PPM1E: variants seen among roughly 807,000 people sequenced by gnomAD.
PPM1E encodes the protein protein phosphatase, Mg2+/Mn2+ dependent 1E, also known as protein phosphatase 1E.
A neutral mutation model predicts 65.9 loss-of-function variants in PPM1E; 20 were observed. That is an observed-to-expected ratio of 0.30 (90% CI 0.21 to 0.44). PPM1E has a LOEUF of 0.44. PPM1E is among the 20% of genes least tolerant of loss of function. The pLI, the probability that PPM1E is intolerant of heterozygous loss-of-function variation, is 1.00. For missense variants in PPM1E, 713 were observed against 953.1 expected (o/e 0.75, Z 3.32); for synonymous variants, 352 against 374.9 (o/e 0.94, Z 0.70).
chr17:58,910,077 A>T (rs2051608904), intron 1 of PPM1E, among the ~76,000 whole-genome samples: 1 of 150,968 alleles, frequency 6.6e-6, no homozygotes, highest in Non-Finnish European at 1.5e-5. Context: ...TAATTTTTGT[A>T]TTTTTGGTAG....
At chr17:58,952,542 TG>T (rs1444171696) in intron 1 of PPM1E, among the ~76,000 whole-genome samples, 1 of 152,066 alleles carries the variant, frequency 6.6e-6, no homozygotes, top group Non-Finnish European at 1.5e-5. Context: ...TGTTACTGCT[TG>T]GGGGTGTGCC....
intron 2 of PPM1E, among the ~76,000 whole-genome samples, chr17:58,963,556 A>T (rs1455772220): frequency 6.6e-6 from 1 of 151,482 alleles, no homozygotes; most frequent in African/African-American, 2.4e-5. Flanking sequence ...GTGAGAAAAA[A>T]AAATTAGCTG....
At chr17:58,848,941 C>T (rs929391547) in intron 1 of PPM1E, among the ~76,000 whole-genome samples, 1 of 152,156 alleles carries the variant, frequency 6.6e-6, no homozygotes, top group Non-Finnish European at 1.5e-5. Flanking sequence ...ATTATTGCCT[C>T]AATTTCAGAA....
chr17:58,836,972 A>AT (rs1323162683), intron 1 of PPM1E, among the ~76,000 whole-genome samples: 2 of 144,760 alleles, frequency 1.4e-5, no homozygotes, highest in African/African-American at 5.1e-5. Context: ...GTGAGCCGAG[A>AT]TCCCGCCACT....
rs564976917 is a variant in PPM1E, at chr17:58,894,868, A to C, written c.465-60781A>C. On this transcript the variant is annotated intron_variant, in intron 1 of 6. Transcript: ENST00000308249. ...AGATCATTCATTTCAACTGTTCTGG[A>C]GTAAAACATTGTTTGATAATACAGA... is the stretch of plus-strand genomic sequence containing the variant. Among the ~76,000 whole-genome samples the C allele has an allele frequency of 3.9e-5, 6 of 152,256 alleles. No individual in the cohort carries two copies. The South Asian group carries it at 1.2e-3, about 32-fold the overall frequency.
At chr17:58,850,354 G>A (rs2050814047) in intron 1 of PPM1E, among the ~76,000 whole-genome samples, 1 of 152,192 alleles carries the variant, frequency 6.6e-6, no homozygotes, top group Non-Finnish European at 1.5e-5. Context: ...GTTAGTTGAT[G>A]CAGTTTCTTC....
chr17:58,937,299 T>C (rs185419219), intron 1 of PPM1E, among the ~76,000 whole-genome samples: 6,414 of 145,150 alleles, frequency 0.044, 309 homozygotes, highest in African/African-American at 0.12. Flanking sequence ...AGTCTCACTC[T>C]GTTGCCCAGG....
intron 1 of PPM1E, among the ~76,000 whole-genome samples, chr17:58,889,891 A>G (rs1332877933): frequency 6.6e-6 from 1 of 152,232 alleles, no homozygotes; most frequent in Non-Finnish European, 1.5e-5. Context: ...AGTATAGTTG[A>G]TTATTCATTA....
Position 58,812,303 on chromosome 17 carries a change from C to CAAA in PPM1E, c.464+55866_464+55868dup, listed in dbSNP as rs35132799. ...TGGGCGACAGAGCAAGACTCTGTTT[C>CAAA]AAAAAAAAAAAAAAAAAAAAAAAAA... is the stretch of plus-strand genomic sequence containing the variant. On this transcript the variant is annotated intron_variant, in intron 1 of 6. Transcript: ENST00000308249. Among the ~76,000 whole-genome samples the CAAA allele has an allele frequency of 3.1e-3, 152 of 49,766 alleles. 9 individuals are homozygous for CAAA. Among genetic ancestry groups the CAAA allele is most frequent in the Non-Finnish European group, 4.5e-3 (124 of 27,256 alleles). The allele number at this position is 49,766 out of a possible 152,430, so 32.6% of individuals were successfully genotyped here.
At chr17:58,848,984 TTCC>T (rs2050798286) in intron 1 of PPM1E, among the ~76,000 whole-genome samples, 1 of 152,236 alleles carries the variant, frequency 6.6e-6, no homozygotes, top group African/African-American at 2.4e-5. Flanking sequence ...ATTCAACTTC[TTCC>T]TGGTTTAGTC....
At chr17:58,968,027 C>T (rs1213170962) in intron 3 of PPM1E, among the ~76,000 whole-genome samples, 1 of 152,094 alleles carries the variant, frequency 6.6e-6, no homozygotes, top group African/African-American at 2.4e-5. Context: ...TGGTCTTGAT[C>T]TCTTGACCTT....
chr17:58,872,654 A>G (rs1295822240), intron 1 of PPM1E, among the ~76,000 whole-genome samples: 1 of 152,210 alleles, frequency 6.6e-6, no homozygotes, highest in Admixed American at 6.5e-5. Flanking sequence ...CTTCATGTAT[A>G]GTCTGGTCAT....
Position 58,758,650 on chromosome 17 carries a change from G to A in PPM1E, c.464+2189G>A, listed in dbSNP as rs77284040. On this transcript the variant is annotated intron_variant, in intron 1 of 6. Coordinates refer to ENST00000308249, the MANE Select transcript of PPM1E (RefSeq NM_014906.5). ...AAATAAAACTAGCAAAATTAAAGTT[G>A]GAAAATATTTCCGCTTAAATCAGAG... Among the ~76,000 whole-genome samples the A allele has an allele frequency of 3.7e-3, 564 of 152,148 alleles. 23 individuals carry two copies. The East Asian group carries it at 0.098, about 26-fold the overall frequency.
chr17:58,891,432 C>G (rs2143431779), intron 1 of PPM1E, among the ~76,000 whole-genome samples: 1 of 152,222 alleles, frequency 6.6e-6, no homozygotes, highest in East Asian at 1.9e-4. Flanking sequence ...AAGCAGTTCT[C>G]CTGCCTCAGC....
chr17:58,844,799 C>A (rs1346248997), intron 1 of PPM1E, among the ~76,000 whole-genome samples: 1 of 152,144 alleles, frequency 6.6e-6, no homozygotes, highest in African/African-American at 2.4e-5. Flanking sequence ...AACATGATTT[C>A]TCTTGTATTT....
At chr17:58,865,441 C>T (rs945435659) in intron 1 of PPM1E, among the ~76,000 whole-genome samples, 1 of 152,104 alleles carries the variant, frequency 6.6e-6, no homozygotes, top group Non-Finnish European at 1.5e-5. Context: ...CATGGTGGCT[C>T]ATGCCTGTAA....
At chr17:58,962,987 G>A (rs775417120) in intron 2 of PPM1E, among the ~76,000 whole-genome samples, 1 of 152,092 alleles carries the variant, frequency 6.6e-6, no homozygotes, top group Non-Finnish European at 1.5e-5. Context: ...TACTTGAGAG[G>A]CTGAAGCAGA....
chr17:58,947,863 G>C (rs2052183473), intron 1 of PPM1E, among the ~76,000 whole-genome samples: 1 of 152,096 alleles, frequency 6.6e-6, no homozygotes, highest in Non-Finnish European at 1.5e-5. Context: ...GACTCAGGCT[G>C]GGGGACTGGA....
At chr17:58,910,751 G>A (rs1248976325) in intron 1 of PPM1E, among the ~76,000 whole-genome samples, 1 of 152,148 alleles carries the variant, frequency 6.6e-6, no homozygotes, top group Non-Finnish European at 1.5e-5. Flanking sequence ...CACCTTAGGT[G>A]GGACAAGAAG....
Sources: gnomAD v4.1 joint callset for allele counts (sites outside exome capture counted in the v4.1 genomes callset) on GRCh38, gnomAD v4.1.1 for gene constraint, MANE v1.5 for transcripts, NCBI Gene and HGNC (gene_info 2026-07-23, HGNC 2026-07-21) for gene names.